Variants in SSBP4 observed in about 807,000 individuals in gnomAD.
SSBP4 encodes the protein single-stranded DNA-binding protein 4.
In SSBP4, 33 loss-of-function variants were observed where a neutral mutation model predicts 64.6. The ratio of observed to expected loss-of-function variants is 0.51; its 90% CI spans 0.39 to 0.68. SSBP4 has a LOEUF of 0.68. SSBP4 is among the 30% of genes least tolerant of loss of function. SSBP4 has a pLI of 0.00. For synonymous variants in SSBP4, 243 were observed against 224.0 expected (o/e 1.08, Z -0.76); for missense variants, 583 against 566.8 (o/e 1.03, Z -0.29).
upstream of SSBP4, among the ~76,000 whole-genome samples, chr19:18,414,651 T>A (rs1250010965): frequency 1.3e-5 from 2 of 152,056 alleles, no homozygotes; most frequent in African/African-American, 4.8e-5. Flanking sequence ...CCACACAAGG[T>A]GCTAGAAGCA....
In SSBP4 at chr19:18,427,686, C is replaced by T. The variant is rs1600316896; in HGVS notation, c.133-66C>T. ...CCTCCCTGCCCAGATGTTCTCTGGG[C>T]ACCCTGCTGGGTGGTGGGGCAGGGT... On this transcript the variant is annotated intron_variant, in intron 2 of 17. Transcript: ENST00000270061. This position sits in a 1 kb window ranked among gnomAD's most constrained non-coding sequence, Gnocchi z 4.4. 4.0e-6 allele frequency: 6 copies of T among 1,510,388 alleles called. No homozygotes were observed. Among genetic ancestry groups the T allele is most frequent in the Non-Finnish European group, 8.9e-7 (1 of 1,119,064 alleles). 93.6% of individuals were successfully genotyped at this position (1,510,388 alleles called of 1,614,324 possible).
At chr19:18,419,815 C>G (rs1972302437) in intron 1 of SSBP4, 108 bp downstream of exon 1, 1 of 820,202 alleles carries the variant, frequency 1.2e-6, no homozygotes, top group African/African-American at 1.9e-5. Context: ...GGAGCGCGAG[C>G]CTGAGCGCGC....
chr19:18,425,741 TCCTGCCCCATC>T, intron 1 of SSBP4, among the ~76,000 whole-genome samples: 2 of 152,196 alleles, frequency 1.3e-5, no homozygotes, highest in Non-Finnish European at 1.5e-5. Context: ...GCGCTGTGTG[TCCTGCCCCATC>T]CCTGCCCCTG....
In SSBP4 at chr19:18,432,736, G is replaced by A. The variant is rs943668165; in HGVS notation, c.786+1G>A. 5.0e-6 allele frequency: 8 copies of A among 1,601,966 alleles called. No individual in the cohort carries two copies. Among genetic ancestry groups the A allele is most frequent in the Middle Eastern group, 1.7e-4 (1 of 6,034 alleles). Reference sequence around the variant, plus strand: ...CTCCTCATCCCCCGGCAGCTACACCGTAAGTCTGAGCAAAGCTGGGTCACC... The same window carrying A: ...CTCCTCATCCCCCGGCAGCTACACCATAAGTCTGAGCAAAGCTGGGTCACC... On this transcript the variant is annotated splice_donor_variant, in intron 12 of 17. Coordinates refer to ENST00000270061, the MANE Select transcript of SSBP4 (RefSeq NM_032627.5). LOFTEE classifies it high-confidence loss of function.
At chr19:18,407,509 C>T in the SSBP4 span, among the ~76,000 whole-genome samples, 2 of 152,020 alleles carry the variant, frequency 1.3e-5, no homozygotes, top group Non-Finnish European at 2.9e-5. Flanking sequence ...CTCCGCCCCC[C>T]GGGTTCACGC....
At position 18,434,171 on chromosome 19, in the gene SSBP4, G is replaced by A. The variant is rs377550115; in HGVS notation, c.1129-46G>A. 7.5e-5 allele frequency: 120 copies of A among 1,608,102 alleles called. No homozygotes were observed. The African/African-American group carries it at 1.1e-3, about 15-fold the overall frequency. On this transcript the variant is annotated intron_variant, in intron 17 of 17. Transcript: ENST00000270061. ...CTGGGGGCGGGTCCCAGCCTCTTCC[G>A]GAGCTGAACTCGGCCCCTGCGCGCT...
Position 18,427,395 on chromosome 19 carries a change from A to C in SSBP4, c.104A>C (p.Gln35Pro). 6.2e-7 allele frequency: 1 copy of C among 1,610,990 alleles called. No individual in the cohort carries two copies. Among genetic ancestry groups the C allele is most frequent in the Non-Finnish European group, 8.5e-7 (1 of 1,179,872 alleles). ...GAGTACCTGCTGCACATCGGTGCCC[A>C]GAAGTCAGCCCAGACCTTCCTGTCT... ...VYEYLLHIGAQKSAQTFLSEI... is the reference protein window; with the variant it reads ...VYEYLLHIGAPKSAQTFLSEI... The change falls in exon 2 of 18, where the codon CAG becomes CCG. Residue 35 changes from glutamine (Q) to proline (P), a missense_variant. By Grantham distance (76) the Gln-to-Pro change is moderately conservative. Around this residue, in one of 5 missense-constraint regions of SSBP4, gnomAD observed 43 missense variants for 74.2 expected, o/e 0.58. Transcript: ENST00000270061. This position sits in a 1 kb window ranked among gnomAD's most constrained non-coding sequence, Gnocchi z 4.4.
chr19:18,434,014 C>G (rs1973778281), intron 17 of SSBP4, 197 bp downstream of exon 17: 2 of 1,274,852 alleles, frequency 1.6e-6, no homozygotes, highest in Non-Finnish European at 2.0e-6. Context: ...TTTCACCGTC[C>G]CGATCCCATC....
chr19:18,422,986 C>T (rs747759068), intron 1 of SSBP4, among the ~76,000 whole-genome samples: 3 of 152,204 alleles, frequency 2.0e-5, no homozygotes, highest in Admixed American at 1.3e-4. Context: ...CACTAGGTCT[C>T]GGCCAGCTGG....
intron 17 of SSBP4, 23 bp downstream of exon 17, chr19:18,433,840 C>A (rs1353887777): frequency 7.3e-6 from 10 of 1,369,360 alleles, no homozygotes; most frequent in Non-Finnish European, 9.4e-6. Flanking sequence ...GTCGACTCCC[C>A]CCCCGCGGCG....
At chr19:18,420,830 G>T (rs970641254) in intron 1 of SSBP4, among the ~76,000 whole-genome samples, 2 of 150,522 alleles carry the variant, frequency 1.3e-5, no homozygotes, top group African/African-American at 4.9e-5. Flanking sequence ...CCAGCCTGGC[G>T]ACAGAGCCAG....
At chr19:18,409,711 G>T in the SSBP4 span, among the ~76,000 whole-genome samples, 1 of 151,692 alleles carries the variant, frequency 6.6e-6, no homozygotes, top group African/African-American at 2.4e-5. Context: ...AGAGACAGGA[G>T]GTCTCACTGT....
intron 17 of SSBP4, 27 bp downstream of exon 17, chr19:18,433,844 C>G (rs1292874883): frequency 8.1e-6 from 11 of 1,351,894 alleles, no homozygotes; most frequent in Non-Finnish European, 1.0e-5. Flanking sequence ...ACTCCCCCCC[C>G]GCGGCGGCGT....
chr19:18,434,414 A>G lies in SSBP4; in HGVS notation c.*168A>G. Reference sequence around the variant, plus strand: ...ACTCTTACCATTTTATTAAAAACGCAAGGACCTCAGAGACGTTCTTTTCTG... The same window carrying G: ...ACTCTTACCATTTTATTAAAAACGCGAGGACCTCAGAGACGTTCTTTTCTG... On this transcript the variant is annotated 3_prime_UTR_variant, in exon 18 of 18. Coordinates refer to ENST00000270061, the MANE Select transcript of SSBP4 (RefSeq NM_032627.5). 5 of 1,262,420 alleles carry G rather than the reference A, an allele frequency of 4.0e-6. No individual in the cohort carries two copies. Among genetic ancestry groups the G allele is most frequent in the East Asian group, 5.6e-5 (2 of 35,712 alleles). 78.2% of individuals were successfully genotyped at this position (1,262,420 alleles called of 1,614,324 possible).
At chr19:18,420,685 C>T (rs919440726) in intron 1 of SSBP4, among the ~76,000 whole-genome samples, 10 of 151,804 alleles carry the variant, frequency 6.6e-5, no homozygotes, top group African/African-American at 2.2e-4. Context: ...TGGTGAAACC[C>T]CGTCTCTACT....
chr19:18,418,843 C>A (rs558105212), upstream of SSBP4: 1 of 483,374 alleles, frequency 2.1e-6, no homozygotes. The surrounding 1 kb of genome is among the most constrained non-coding windows in gnomAD (Gnocchi z 6.7). Context: ...CGCGCGCCTG[C>A]GTGAGGCTGG....
chr19:18,410,923 A>T, the SSBP4 span, among the ~76,000 whole-genome samples: 12 of 152,272 alleles, frequency 7.9e-5, no homozygotes, highest in Admixed American at 7.8e-4. Flanking sequence ...ATATTTGTTG[A>T]GCACCTACTG....
rs988807135 is a variant in SSBP4 at position 18,419,589 on chromosome 19, A to G, written c.-60A>G. Reference sequence around the variant, plus strand: ...GCGCGGGGTAGCTATGGCGACGGCAAGCGCGGCCCGCGGCGCCGCCTGACA... The same window carrying G: ...GCGCGGGGTAGCTATGGCGACGGCAGGCGCGGCCCGCGGCGCCGCCTGACA... On this transcript the variant is annotated 5_prime_UTR_variant, in exon 1 of 18. Coordinates refer to ENST00000270061, the MANE Select transcript of SSBP4 (RefSeq NM_032627.5). 6 of 1,228,002 alleles carry G rather than the reference A, an allele frequency of 4.9e-6. No homozygotes were observed. The highest frequency in any genetic ancestry group is 6.1e-6 in the Non-Finnish European group (6 of 980,782). 76.1% of individuals were successfully genotyped at this position (1,228,002 alleles called of 1,614,324 possible).
chr19:18,428,982 C>A (rs999219431), intron 4 of SSBP4, among the ~76,000 whole-genome samples: 1 of 152,218 alleles, frequency 6.6e-6, no homozygotes, highest in South Asian at 2.1e-4. Flanking sequence ...CGCCCCCCGC[C>A]GGGCCAGGAG....
Sources: allele counts gnomAD v4.1 joint callset (sites outside exome capture counted in the v4.1 genomes callset), GRCh38; gene constraint gnomAD v4.1.1; regional missense constraint gnomAD v4.1.1; non-coding constraint Gnocchi (gnomAD v3.1); transcripts MANE v1.5; gene names NCBI Gene and HGNC (gene_info 2026-07-23, HGNC 2026-07-21).